Variants in AHNAK2 observed in about 807,000 individuals in gnomAD.
The protein encoded by AHNAK2 is protein AHNAK2.
In AHNAK2, 18 loss-of-function variants were observed where a neutral mutation model predicts 30.7. That is an observed-to-expected ratio of 0.59 (90% CI 0.41 to 0.87). The LOEUF is 0.87. Among genes scored for constraint, AHNAK2 ranks in the 40% least tolerant of loss-of-function variants. The pLI, the probability that AHNAK2 is intolerant of heterozygous loss-of-function variation, is 0.00. For synonymous variants in AHNAK2, 3,590 were observed against 3,073.8 expected (o/e 1.17, Z -5.56); for missense variants, 8,604 against 7,373.0 (o/e 1.17, Z -6.11).
chr14:104,970,407 G>C, intron 1 of AHNAK2: 1 of 985,378 alleles, frequency 1.0e-6, no homozygotes, highest in Non-Finnish European at 1.2e-6. Flanking sequence ...CAGACCCGCG[G>C]AAGAGTGAGG....
Position 104,943,360 on chromosome 14 carries a change from G to A in AHNAK2, c.12091C>T (p.Gln4031Ter). 6.2e-7 allele frequency: 1 copy of A among 1,612,806 alleles called. No individual in the cohort carries two copies. Among genetic ancestry groups the A allele is most frequent in the Non-Finnish European group, 8.5e-7 (1 of 1,179,520 alleles). ...PSADLEVQAG[Q>*]VDVKLPEGPV... is the part of the protein sequence containing the mutation. ...CCCTCTGGGAGTTTCACGTCCACTTGGCCAGCCTGGACCTCCAGGTCAGCG... is the reference window on the plus strand; with the variant it reads ...CCCTCTGGGAGTTTCACGTCCACTTAGCCAGCCTGGACCTCCAGGTCAGCG... Residue 4031 changes from glutamine to a stop codon, truncating the protein, a stop_gained, in exon 7 of 7, where the codon CAA becomes TAA. Transcript: ENST00000333244. LOFTEE classifies it low-confidence loss of function (END_TRUNC).
At position 104,948,411 on chromosome 14, in the gene AHNAK2, T is replaced by G. The variant is rs1566909642; in HGVS notation, c.7040A>C (p.Lys2347Thr). The G allele has an allele frequency of 6.2e-7, 1 of 1,612,244 alleles. No individual in the cohort carries two copies. Among genetic ancestry groups the G allele is most frequent in the South Asian group, 1.1e-5 (1 of 91,036 alleles). Reference protein sequence around the residue: ...IEASADVSALKVEADVSLPSM... With the variant: ...IEASADVSALTVEADVSLPSM... ...GGGGAGGCTCACGTCGGCCTCCACC[T>G]TCAACGCAGACACATCCGCTGAGGC... Residue 2347 changes from lysine to threonine, a missense_variant, in exon 7 of 7, where the codon AAG becomes ACG. Coordinates refer to ENST00000333244, the MANE Select transcript of AHNAK2 (RefSeq NM_138420.4).
At chr14:104,956,178 T>C (rs1898970536) in intron 4 of AHNAK2, among the ~76,000 whole-genome samples, 1 of 152,158 alleles carries the variant, frequency 6.6e-6, no homozygotes. Flanking sequence ...CAGAGTGCCC[T>C]CATCATTGGG....
At position 104,938,598 on chromosome 14, in the gene AHNAK2, T is replaced by C. The variant is rs2140813665; in HGVS notation, c.16853A>G (p.Asp5618Gly). The change falls in exon 7 of 7, where the codon GAT (aspartate) becomes GGT (glycine). Residue 5618 changes from aspartate to glycine, a missense_variant. By Grantham distance (94) the Asp-to-Gly change is moderately conservative (BLOSUM62 -1). Coordinates refer to ENST00000333244, the MANE Select transcript of AHNAK2 (RefSeq NM_138420.4). The stretch of plus-strand genomic sequence containing the variant: ...CAGTGGTGTGGTTGCCTCTTGGCTA[T>C]CATCAGGGGGAAACTCAAGAATTTC... ...PAEILEFPPD[D>G]SQEATTPLAD... 1 of 1,613,214 alleles carries C rather than the reference T, an allele frequency of 6.2e-7. No individual in the cohort carries two copies. Among genetic ancestry groups the C allele is most frequent in the East Asian group, 2.2e-5 (1 of 44,892 alleles).
chr14:104,952,234 C>T lies in AHNAK2; in HGVS notation c.3217G>A (p.Glu1073Lys), dbSNP rs368303682. Residue 1073 changes from glutamate to lysine, a missense_variant, in exon 7 of 7, where the codon GAG (glutamate) becomes AAG (lysine). Transcript: ENST00000333244. ...DVKLPEGHLP[E>K]GAGLKGHLPK... ...AAGTGCCCTTTAAGGCCAGCTCCCTCGGGCAGGTGGCCCTCCGGGAGCTTC... is the reference window on the plus strand; with the variant it reads ...AAGTGCCCTTTAAGGCCAGCTCCCTTGGGCAGGTGGCCCTCCGGGAGCTTC... The T allele has an allele frequency of 2.2e-5, 36 of 1,612,516 alleles. 1 individual carries two copies. The African/African-American group carries it at 2.7e-4, about 12-fold the overall frequency.
Position 104,949,807 on chromosome 14 carries a change from C to T in AHNAK2, c.5644G>A (p.Val1882Ile). The T allele has an allele frequency of 6.3e-7, 1 of 1,587,228 alleles. No individual in the cohort carries two copies. Among genetic ancestry groups the T allele is most frequent in the Non-Finnish European group, 8.6e-7 (1 of 1,163,092 alleles). The change falls in exon 7 of 7, where the codon GTC (valine) becomes ATC (isoleucine). Residue 1882 changes from valine (V) to isoleucine (I), a missense_variant. Transcript: ENST00000333244. ...CIPLPSADLV[V>I]QAGQVDMKLP... The stretch of plus-strand genomic sequence containing the variant: ...TTCATGTCCACTTGGCCAGCCTGGA[C>T]CACCAGGTCTGCAGAAGGGAGCGGA...
In AHNAK2 at chr14:104,944,234, G is replaced by A; in HGVS notation, c.11217C>T (p.Pro3739=). 5.6e-6 allele frequency: 9 copies of A among 1,611,264 alleles called. No individual in the cohort carries two copies. The highest frequency in any genetic ancestry group is 7.6e-6 in the Non-Finnish European group (9 of 1,178,900). Residue 3739 remains proline, a synonymous_variant, in exon 7 of 7, where the codon CCC becomes CCT. Transcript: ENST00000333244. ...LKMPKVDLKG[P]QVDIKGPKLD... is the part of the protein sequence containing the mutation. ...GCTTGGGGCCCTTGATGTCCACCTG[G>A]GGGCCCTTGAGGTCCACTTTGGGCA...
Position 104,942,366 on chromosome 14 carries a change from T to C in AHNAK2, c.13085A>G (p.Glu4362Gly). Residue 4362 changes from glutamate (E) to glycine (G), a missense_variant, in exon 7 of 7, where the codon GAG becomes GGG. Coordinates refer to ENST00000333244, the MANE Select transcript of AHNAK2 (RefSeq NM_138420.4). ...AGGGCCCTCTGGGAGTTTCACATCCTCTTGGCCAGCCTGGACCTCCAGATC... is the reference window on the plus strand; with the variant it reads ...AGGGCCCTCTGGGAGTTTCACATCCCCTTGGCCAGCCTGGACCTCCAGATC... The part of the protein sequence containing the change: ...SADLEVQAGQ[E>G]DVKLPEGPVH... 1 of 1,609,484 alleles carries C rather than the reference T, an allele frequency of 6.2e-7. No homozygotes were observed. Among genetic ancestry groups the C allele is most frequent in the Middle Eastern group, 1.7e-4 (1 of 6,040 alleles).
Position 104,942,865 on chromosome 14 carries a change from G to T in AHNAK2, c.12586C>A (p.Gln4196Lys). 6.2e-7 allele frequency: 1 copy of T among 1,612,816 alleles called. No homozygotes were observed. The change falls in exon 7 of 7, where the codon CAA (glutamine) becomes AAA (lysine). Residue 4196 changes from glutamine (Q) to lysine (K), a missense_variant. Physicochemically the swap from Gln to Lys is moderately conservative, Grantham distance 53. Coordinates refer to ENST00000333244, the MANE Select transcript of AHNAK2 (RefSeq NM_138420.4). ...PSADLEVQAG[Q>K]VDVKLPEGPL... ...CCCTCCGGGAGTTTCACGTCCACTT[G>T]GCCAGCCTGGACCTCCAGGTCGGCG...
rs371792227 is a variant in AHNAK2, at chr14:104,954,397, G to A, written c.1054C>T (p.Arg352Cys). 2.4e-5 allele frequency: 39 copies of A among 1,612,796 alleles called. No individual in the cohort carries two copies. The highest frequency in any genetic ancestry group is 1.8e-4 in the East Asian group (8 of 44,886). The change falls in exon 7 of 7, where the codon CGT (arginine) becomes TGT (cysteine). Residue 352 changes from arginine (R) to cysteine (C), a missense_variant. By Grantham distance (180) the Arg-to-Cys change is radical. Coordinates refer to ENST00000333244, the MANE Select transcript of AHNAK2 (RefSeq NM_138420.4). This position sits in a 1 kb window ranked among gnomAD's most constrained non-coding sequence, Gnocchi z 4.3. ...CCCAACTCTTCCAGGACCCCAGCAC[G>A]GCCCACCCCACTCTGGAACCCCCTG... is the stretch of plus-strand genomic sequence containing the variant. ...PGRGFQSGVG[R>C]AGVLEELGPW...
chr14:104,961,340 C>G (rs1025831823), intron 1 of AHNAK2, among the ~76,000 whole-genome samples: 1 of 151,834 alleles, frequency 6.6e-6, no homozygotes, highest in African/African-American at 2.4e-5. Context: ...CAGTGAAACC[C>G]CGTCTCTACT....
At position 104,948,575 on chromosome 14, in the gene AHNAK2, T is replaced by G. The variant is rs879256074; in HGVS notation, c.6876A>C (p.Gly2292=). Residue 2292 remains glycine, a synonymous_variant, in exon 7 of 7, where the codon GGA becomes GGC. Coordinates refer to ENST00000333244, the MANE Select transcript of AHNAK2 (RefSeq NM_138420.4). ...PSVEVDVKAP[G]AKLDGARLEG... ...CCAGCCGCGCACCATCCAGCTTGGCTCCTGGGGCCTTGACGTCCACCTCCA... is the reference window on the plus strand; with the variant it reads ...CCAGCCGCGCACCATCCAGCTTGGCGCCTGGGGCCTTGACGTCCACCTCCA... 26 of 1,612,062 alleles carry G rather than the reference T, an allele frequency of 1.6e-5. No individual in the cohort carries two copies. Among genetic ancestry groups the G allele is most frequent in the African/African-American group, 2.7e-5 (2 of 73,840 alleles).
chr14:104,953,678 T>C lies in AHNAK2; in HGVS notation c.1773A>G (p.Gly591=), dbSNP rs746527424. Residue 591 remains glycine (G), a synonymous_variant, in exon 7 of 7, where the codon GGA becomes GGG. Coordinates refer to ENST00000333244, the MANE Select transcript of AHNAK2 (RefSeq NM_138420.4). The part of the protein sequence containing the change: ...RMPKFKIPSL[G]WSPSKHTKTG... Reference sequence around the variant, plus strand: ...TCTTTGTGTGCTTGCTTGGCGACCATCCTAAGGAGGGTATCTTGAACTTGG... The same window carrying C: ...TCTTTGTGTGCTTGCTTGGCGACCACCCTAAGGAGGGTATCTTGAACTTGG... 2.5e-6 allele frequency: 4 copies of C among 1,613,700 alleles called. No individual in the cohort carries two copies. Among genetic ancestry groups the C allele is most frequent in the Non-Finnish European group, 3.4e-6 (4 of 1,179,868 alleles).
intron 5 of AHNAK2, 34 bp from the exon 6 acceptor site, chr14:104,955,175 G>A (rs1174615150): frequency 1.3e-6 from 2 of 1,576,412 alleles, no homozygotes; most frequent in East Asian, 2.2e-5. Flanking sequence ...AGGGCCGGGT[G>A]TGTGAATGAG....
rs1157555890 is a variant in AHNAK2 at position 104,953,948 on chromosome 14, C to G, written c.1503G>C (p.Glu501Asp). 4.3e-6 allele frequency: 7 copies of G among 1,613,864 alleles called. No individual in the cohort carries two copies. The African/African-American group carries it at 5.3e-5, about 12-fold the overall frequency. ...TPKFAFSTEK[E>D]PERERRLSTP... Reference sequence around the variant, plus strand: ...TACTAAGGCGCCTTTCTCTTTCTGGCTCTTTTTCTGTGGAAAATGCAAATT... The same window carrying G: ...TACTAAGGCGCCTTTCTCTTTCTGGGTCTTTTTCTGTGGAAAATGCAAATT... Residue 501 changes from glutamate (E) to aspartate (D), a missense_variant, in exon 7 of 7, where the codon GAG becomes GAC. Transcript: ENST00000333244.
In AHNAK2 at chr14:104,948,169, G is replaced by T; in HGVS notation, c.7282C>A (p.Leu2428Met). 1 of 1,612,824 alleles carries T rather than the reference G, an allele frequency of 6.2e-7. No individual in the cohort carries two copies. Among genetic ancestry groups the T allele is most frequent in the Non-Finnish European group, 8.5e-7 (1 of 1,179,590 alleles). Residue 2428 changes from leucine (L) to methionine (M), a missense_variant, in exon 7 of 7, where the codon CTG (leucine) becomes ATG (methionine). Transcript: ENST00000333244. Reference protein sequence around the residue: ...GPQIDVKGPKLDLKGPKTDVM... With the variant: ...GPQIDVKGPKMDLKGPKTDVM... The stretch of plus-strand genomic sequence containing the variant: ...TCCGTCTTGGGGCCTTTCAGGTCCA[G>T]CTTGGGGCCCTTGACATCTATCTGG...
intron 1 of AHNAK2, among the ~76,000 whole-genome samples, chr14:104,965,160 T>C (rs990947507): frequency 6.6e-6 from 1 of 152,168 alleles, no homozygotes; most frequent in Admixed American, 6.5e-5. Context: ...AGCCAAAAGA[T>C]AGGACGGACG....
In AHNAK2 at chr14:104,951,861, A is replaced by C. The variant is rs778511025; in HGVS notation, c.3590T>G (p.Val1197Gly). ...DVSAPKVEAD[V>G]SLPSMQGDLK... is the part of the protein sequence containing the mutation. Reference sequence around the variant, plus strand: ...GTCCCCCTGCATGGAGGGGAGACTCACGTCGGCCTCCACTTTGGGTGCAGA... The same window carrying C: ...GTCCCCCTGCATGGAGGGGAGACTCCCGTCGGCCTCCACTTTGGGTGCAGA... The change falls in exon 7 of 7, where the codon GTG becomes GGG. Residue 1197 changes from valine to glycine, a missense_variant. Coordinates refer to ENST00000333244, the MANE Select transcript of AHNAK2 (RefSeq NM_138420.4). 2.4e-5 allele frequency: 38 copies of C among 1,607,846 alleles called. 1 individual carries two copies. The South Asian group carries it at 3.3e-4, about 14-fold the overall frequency.
rs770610017 is a variant in AHNAK2, at chr14:104,953,092, C to T, written c.2359G>A (p.Val787Met). Residue 787 changes from valine to methionine, a missense_variant, in exon 7 of 7, where the codon GTG (valine) becomes ATG (methionine). Coordinates refer to ENST00000333244, the MANE Select transcript of AHNAK2 (RefSeq NM_138420.4). ...GACATCTTCACATCGGGGGCTGTCA[C>T]TTCCGCCTTGGGGCCTTTCAGGTCC... Reference protein sequence around the residue: ...KLDLKGPKAEVTAPDVKMSLS... With the variant: ...KLDLKGPKAEMTAPDVKMSLS... 1.2e-6 allele frequency: 2 copies of T among 1,613,164 alleles called. No homozygotes were observed. Among genetic ancestry groups the T allele is most frequent in the Non-Finnish European group, 1.7e-6 (2 of 1,179,710 alleles).
Sources: allele counts gnomAD v4.1 joint callset (sites outside exome capture counted in the v4.1 genomes callset), GRCh38; gene constraint gnomAD v4.1.1; non-coding constraint Gnocchi (gnomAD v3.1); transcripts MANE v1.5; gene names NCBI Gene and HGNC (gene_info 2026-07-23, HGNC 2026-07-21).